The following TMTC2 variants were observed in gnomAD, a reference collection of about 807,000 sequenced individuals.
TMTC2 encodes transmembrane O-mannosyltransferase targeting cadherins 2.
Under a neutral mutation model 82.4 loss-of-function variants are expected in TMTC2, and 43 were observed. The ratio of observed to expected loss-of-function variants is 0.52; its 90% CI spans 0.41 to 0.67. TMTC2 has a LOEUF of 0.67. Ranked by LOEUF, TMTC2 falls within the 30% of genes least tolerant of loss-of-function variation. The pLI is 0.00. For missense variants in TMTC2, 919 were observed against 1,012.4 expected (o/e 0.91, Z 1.25); for synonymous variants, 408 against 381.9 (o/e 1.07, Z -0.80).
chr12:82,697,291 C>T (rs1399034943), intron 1 of TMTC2, among the ~76,000 whole-genome samples: 2 of 145,272 alleles, frequency 1.4e-5, no homozygotes, highest in Non-Finnish European at 3.0e-5. Context: ...ATGCAGTAGG[C>T]CAAGATCACG....
At chr12:82,976,813 A>G (rs1293515510) in intron 7 of TMTC2, among the ~76,000 whole-genome samples, 1 of 152,078 alleles carries the variant, frequency 6.6e-6, no homozygotes, top group African/African-American at 2.4e-5. Flanking sequence ...ACTGTGAAGT[A>G]AAAAATGATC....
At chr12:83,127,470 G>T (rs530853451) in intron 11 of TMTC2, among the ~76,000 whole-genome samples, 1 of 151,904 alleles carries the variant, frequency 6.6e-6, no homozygotes, top group Non-Finnish European at 1.5e-5. Context: ...TACTGCAGGG[G>T]TATCCAACTC....
chr12:82,789,868 G>T (rs1878371765), intron 1 of TMTC2, among the ~76,000 whole-genome samples: 1 of 152,104 alleles, frequency 6.6e-6, no homozygotes. Flanking sequence ...GGCAAGACAA[G>T]TACTATTAAT....
In TMTC2 at chr12:82,750,241, CT is replaced by C. The variant is rs11383480; in HGVS notation, c.83+62583del. 5.9e-3 allele frequency among the ~76,000 whole-genome samples: 869 copies of C among 147,968 alleles called. 7 individuals are homozygous for C. Among genetic ancestry groups the C allele is most frequent in the African/African-American group, 0.02 (808 of 40,630 alleles). ...TACCACTGAACTCTAAAAGTTTAAT[CT>C]TTTTTTTTTTAATACAAAGAATGAT... On this transcript the variant is annotated intron_variant, in intron 1 of 11. Coordinates refer to ENST00000321196, the MANE Select transcript of TMTC2 (RefSeq NM_152588.3).
chr12:83,072,036 T>C (rs1021955146), intron 11 of TMTC2, among the ~76,000 whole-genome samples: 1 of 152,180 alleles, frequency 6.6e-6, no homozygotes, highest in African/African-American at 2.4e-5. Flanking sequence ...GTAATTTCCT[T>C]TCTTCTGCTG....
intron 2 of TMTC2, among the ~76,000 whole-genome samples, chr12:82,879,827 A>G (rs1409907024): frequency 6.6e-6 from 1 of 152,224 alleles, no homozygotes; most frequent in Non-Finnish European, 1.5e-5. Context: ...AACATTCATA[A>G]TTAGCGTTGC....
intron 11 of TMTC2, among the ~76,000 whole-genome samples, chr12:83,079,166 T>G (rs925318076): frequency 1.3e-5 from 2 of 152,128 alleles, no homozygotes; most frequent in Non-Finnish European, 2.9e-5. Context: ...TCAGTTATTT[T>G]TTTTTCTTAT....
At chr12:82,719,004 G>A (rs958310550) in intron 1 of TMTC2, among the ~76,000 whole-genome samples, 3 of 137,734 alleles carry the variant, frequency 2.2e-5, no homozygotes, top group African/African-American at 8.2e-5. Flanking sequence ...TATATATTCA[G>A]AAAACTGGGT....
At chr12:83,054,837 A>G (rs1882478377) in intron 10 of TMTC2, among the ~76,000 whole-genome samples, 1 of 152,058 alleles carries the variant, frequency 6.6e-6, no homozygotes. Flanking sequence ...TTCATTCATC[A>G]TAATGAAGGC....
chr12:82,739,567 A>C (rs1222039135), intron 1 of TMTC2, among the ~76,000 whole-genome samples: 1 of 152,022 alleles, frequency 6.6e-6, no homozygotes, highest in Non-Finnish European at 1.5e-5. Flanking sequence ...TGGACTATAT[A>C]TTTATGTAGA....
At chr12:82,875,036 G>A (rs1032004952) in intron 2 of TMTC2, among the ~76,000 whole-genome samples, 1 of 152,108 alleles carries the variant, frequency 6.6e-6, no homozygotes, top group African/African-American at 2.4e-5. Flanking sequence ...GTTTTTTGCT[G>A]TGAGGGCCAT....
chr12:82,801,709 A>C (rs1425833186), intron 1 of TMTC2, among the ~76,000 whole-genome samples: 1 of 152,002 alleles, frequency 6.6e-6, no homozygotes, highest in Non-Finnish European at 1.5e-5. Context: ...TGCATCTACA[A>C]ACCTTGAGCT....
intron 4 of TMTC2, among the ~76,000 whole-genome samples, chr12:82,949,871 C>T (rs890911142): frequency 3.3e-5 from 5 of 152,076 alleles, no homozygotes; most frequent in Non-Finnish European, 5.9e-5. Flanking sequence ...TCAAGGAAAC[C>T]CCTTTATAAG....
intron 11 of TMTC2, among the ~76,000 whole-genome samples, chr12:83,081,959 G>A (rs543072145): frequency 6.6e-6 from 1 of 152,218 alleles, no homozygotes; most frequent in Admixed American, 6.5e-5. Flanking sequence ...TCCATCCTGG[G>A]CAACAGAGTG....
At chr12:83,010,593 A>C (rs2137385219) in intron 8 of TMTC2, among the ~76,000 whole-genome samples, 1 of 150,784 alleles carries the variant, frequency 6.6e-6, no homozygotes, top group East Asian at 1.9e-4. Flanking sequence ...GCACCCAAAT[A>C]AAGCCTTCTT....
chr12:83,094,225 T>A (rs938385411), intron 11 of TMTC2, among the ~76,000 whole-genome samples: 1 of 152,222 alleles, frequency 6.6e-6, no homozygotes, highest in African/African-American at 2.4e-5. Flanking sequence ...TTGAGAAGGT[T>A]GAAAAGGCCA....
At chr12:82,717,874 C>T (rs1474891019) in intron 1 of TMTC2, among the ~76,000 whole-genome samples, 2 of 152,118 alleles carry the variant, frequency 1.3e-5, no homozygotes, top group Non-Finnish European at 2.9e-5. Context: ...GCCTAATTTC[C>T]TGTAATCAGG....
At chr12:82,908,551 ATT>A (rs1273914339) in intron 3 of TMTC2, among the ~76,000 whole-genome samples, 1 of 152,078 alleles carries the variant, frequency 6.6e-6, no homozygotes, top group Non-Finnish European at 1.5e-5. Flanking sequence ...ATTATAATGT[ATT>A]ATCATTCCCA....
intron 1 of TMTC2, among the ~76,000 whole-genome samples, chr12:82,735,035 T>C (rs958872125): frequency 2.6e-5 from 4 of 152,224 alleles, no homozygotes; most frequent in Admixed American, 2.6e-4. Context: ...TCACACATTC[T>C]ATTCCTTATT....
Sources: allele counts gnomAD v4.1 joint callset (sites outside exome capture counted in the v4.1 genomes callset), GRCh38; gene constraint gnomAD v4.1.1; transcripts MANE v1.5; gene names NCBI Gene and HGNC (gene_info 2026-07-23, HGNC 2026-07-21).